Variants in CXCL12 observed in about 807,000 individuals in gnomAD.
CXCL12 encodes the protein C-X-C motif chemokine ligand 12.
In CXCL12, 4 loss-of-function variants were observed where a neutral mutation model predicts 10.7. The observed-to-expected ratio is 0.37, with a 90% confidence interval of 0.18 to 0.86. The LOEUF is 0.86. Among genes scored for constraint, CXCL12 ranks in the 40% least tolerant of loss-of-function variants. The pLI is 0.43. For synonymous variants in CXCL12, 54 were observed against 45.4 expected (o/e 1.19, Z -0.77); for missense variants, 122 against 110.4 (o/e 1.10, Z -0.47).
At chr10:44,375,687 G>T (rs2297629), downstream of CXCL12, among the ~76,000 whole-genome samples, 1 of 152,334 alleles carries the variant, frequency 6.6e-6, no homozygotes, top group East Asian at 1.9e-4. Context: ...GAGCACACAG[G>T]CTCCGCGTCA....
At chr10:44,376,913 T>TTAA (rs1839470653), downstream of CXCL12, 1 of 145,156 alleles carries the variant, frequency 6.9e-6, no homozygotes, top group Admixed American at 7.3e-5. Flanking sequence ...TCAATCGGGT[T>TTAA]AAAAAAAAAA....
At chr10:44,370,373 A>T (rs1292097499) in exon 4 of CXCL12, 1 of 152,666 alleles carries the variant, frequency 6.6e-6, no homozygotes, top group Non-Finnish European at 1.5e-5. Context: ...TACAGTATTC[A>T]TCACATTTAA....
intron 1 of CXCL12, 57 bp from the exon 2 acceptor site, chr10:44,380,937 G>A (rs1839611629): frequency 4.3e-6 from 6 of 1,385,552 alleles, no homozygotes; most frequent in Non-Finnish European, 6.2e-6. Flanking sequence ...TTGGTAATGT[G>A]TGTCTGGGCT....
chr10:44,378,577 A>G lies in CXCL12; in HGVS notation c.*56T>C. 2 of 1,612,056 alleles carry G rather than the reference A, an allele frequency of 1.2e-6. No individual in the cohort carries two copies. The highest frequency in any genetic ancestry group is 1.7e-6 in the Non-Finnish European group (2 of 1,178,724). ...ACGTCTTTGCCCTTTCATCTCTCAC[A>G]AGGTTTTAGTTTTCCTCGAGTGGGT... On this transcript the variant is annotated 3_prime_UTR_variant, in exon 3 of 3. Transcript: ENST00000343575.
rs754281022 is a variant in CXCL12 at position 44,377,730 on chromosome 10, C to T, written c.*903G>A. On this transcript the variant is annotated 3_prime_UTR_variant, in exon 3 of 3. Coordinates refer to ENST00000343575, the MANE Select transcript of CXCL12 (RefSeq NM_199168.4). Reference sequence around the variant, plus strand: ...TGATTCTGTAAAGACTTGTCTTTTGCGGGTAAGCAGGGGGACCATTACACA... The same window carrying T: ...TGATTCTGTAAAGACTTGTCTTTTGTGGGTAAGCAGGGGGACCATTACACA... 166 of 1,598,032 alleles carry T rather than the reference C, an allele frequency of 1.0e-4. No individual in the cohort carries two copies. Among genetic ancestry groups the T allele is most frequent in the African/African-American group, 3.3e-4 (25 of 75,024 alleles).
downstream of CXCL12, chr10:44,375,981 C>T: frequency 2.5e-6 from 4 of 1,613,778 alleles, no homozygotes; most frequent in Non-Finnish European, 3.4e-6. Context: ...TCTTCTGTCG[C>T]TTCTTTTTTC....
At chr10:44,374,524 G>A (rs576007380), downstream of CXCL12, 62 of 456,122 alleles carry the variant, frequency 1.4e-4, no homozygotes, top group South Asian at 9.6e-4. Context: ...GCTGGCAAGA[G>A]GAACGTGGGC....
chr10:44,377,811 GGGCCCGAGCTGTGGGGCA>G lies in CXCL12; in HGVS notation c.*804_*821del. On this transcript the variant is annotated 3_prime_UTR_variant, in exon 3 of 3. Coordinates refer to ENST00000343575, the MANE Select transcript of CXCL12 (RefSeq NM_199168.4). The stretch of plus-strand genomic sequence containing the variant: ...GGAGGCCAAAGACGGATCTCACAGA[GGGCCCGAGCTGTGGGGCA>G]GGCCCTGGGAGGAGAGGGATGCAGG... The G allele has an allele frequency of 6.3e-6, 10 of 1,597,716 alleles. No homozygotes were observed. The highest frequency in any genetic ancestry group is 8.5e-6 in the Non-Finnish European group (10 of 1,179,574).
chr10:44,377,623 T>G lies in CXCL12; in HGVS notation c.*1010A>C. 6.6e-7 allele frequency: 1 copy of G among 1,522,282 alleles called. No individual in the cohort carries two copies. 94.3% of individuals were successfully genotyped at this position (1,522,282 alleles called of 1,614,324 possible). ...TTTCGGAAACCTCAGAGTTTGTTAG[T>G]GCCTCCATGGCATACATAGGCTTCA... On this transcript the variant is annotated 3_prime_UTR_variant, in exon 3 of 3. Coordinates refer to ENST00000343575, the MANE Select transcript of CXCL12 (RefSeq NM_199168.4).
At chr10:44,375,188 T>C (rs978358594), downstream of CXCL12, among the ~76,000 whole-genome samples, 11 of 152,292 alleles carry the variant, frequency 7.2e-5, no homozygotes, top group Middle Eastern at 3.4e-3. Context: ...CTAAAGAGAA[T>C]TGCCCAAAGA....
downstream of CXCL12, chr10:44,374,231 G>A (rs1349272842): frequency 2.9e-6 from 1 of 350,704 alleles, no homozygotes; most frequent in Admixed American, 3.8e-5. Context: ...GTCCCTAGGG[G>A]GCCAACAGCT....
At chr10:44,373,109 G>GT, downstream of CXCL12, 1 of 1,535,178 alleles carries the variant, frequency 6.5e-7, no homozygotes, top group East Asian at 2.4e-5. Flanking sequence ...AAGCTGCTAC[G>GT]TGTCGCCAGT....
chr10:44,373,202 G>T (rs1293076578), downstream of CXCL12: 1 of 1,545,904 alleles, frequency 6.5e-7, no homozygotes, highest in Non-Finnish European at 8.7e-7. Flanking sequence ...GGCAAAGTGT[G>T]CAAAACAAAG....
chr10:44,378,728 G>A lies in CXCL12; in HGVS notation c.180-5C>T, dbSNP rs747875350. The A allele has an allele frequency of 8.7e-6, 14 of 1,614,188 alleles. No homozygotes were observed. The highest frequency in any genetic ancestry group is 1.6e-4 in the Middle Eastern group (1 of 6,062). ...TTGTTGTTCTTCAGCCGGGCTCTGT[G>A]AAAACAGAATGGCAACAGTGTGCGG... On this transcript the variant is annotated splice_region_variant and splice_polypyrimidine_tract_variant and intron_variant, in intron 2 of 2. Coordinates refer to ENST00000343575, the MANE Select transcript of CXCL12 (RefSeq NM_199168.4).
downstream of CXCL12, chr10:44,373,048 G>A: frequency 1.3e-6 from 2 of 1,536,148 alleles, no homozygotes; most frequent in South Asian, 1.2e-5. Context: ...CAGAGGAGTG[G>A]CTCCGTGGAA....
intron 1 of CXCL12, among the ~76,000 whole-genome samples, chr10:44,384,273 G>A (rs1223821958): frequency 6.6e-6 from 1 of 152,150 alleles, no homozygotes; most frequent in Non-Finnish European, 1.5e-5. Context: ...ACAGCGGCTG[G>A]ACGCGCGCCC....
chr10:44,376,855 C>G (rs1004021513), downstream of CXCL12, among the ~76,000 whole-genome samples: 7 of 148,456 alleles, frequency 4.7e-5, no homozygotes, highest in East Asian at 3.9e-4. Context: ...GGAGGGAAGA[C>G]GAATTAGTGA....
At chr10:44,383,622 G>GGC (rs1839705437) in intron 1 of CXCL12, among the ~76,000 whole-genome samples, 3 of 124,666 alleles carry the variant, frequency 2.4e-5, no homozygotes, top group South Asian at 6.9e-4. Flanking sequence ...GGGGGGGGGG[G>GGC]GGTCAGTGTG....
chr10:44,378,442 G>T lies in CXCL12; in HGVS notation c.*191C>A. On this transcript the variant is annotated 3_prime_UTR_variant, in exon 3 of 3. Coordinates refer to ENST00000343575, the MANE Select transcript of CXCL12 (RefSeq NM_199168.4). ...TGAATATAAGCTGCAATATCATACC[G>T]TATGCTATAAATGCAGGGTCTAAAT... is the stretch of plus-strand genomic sequence containing the variant. The T allele has an allele frequency of 1.3e-6, 2 of 1,541,168 alleles. No homozygotes were observed. The highest frequency in any genetic ancestry group is 4.8e-5 in the East Asian group (2 of 42,056).
Sources: gnomAD v4.1 joint callset for allele counts (sites outside exome capture counted in the v4.1 genomes callset) on GRCh38, gnomAD v4.1.1 for gene constraint, MANE v1.5 for transcripts, NCBI Gene and HGNC (gene_info 2026-07-23, HGNC 2026-07-21) for gene names.